The following RBFOX1 variants were observed in gnomAD, a reference collection of about 807,000 sequenced individuals.
RBFOX1 encodes the protein RNA binding fox-1 homolog 1.
Under a neutral mutation model 57.7 loss-of-function variants are expected in RBFOX1, and 8 were observed. The ratio of observed to expected loss-of-function variants is 0.14; its 90% CI spans 0.08 to 0.25. RBFOX1 has a LOEUF of 0.25. Ranked by LOEUF, RBFOX1 falls within the 10% of genes least tolerant of loss-of-function variation. RBFOX1 has a pLI of 1.00. For missense variants in RBFOX1, 611 were observed against 548.5 expected (o/e 1.11, Z -1.14); for synonymous variants, 326 against 222.4 (o/e 1.47, Z -4.15).
chr16:7,519,437 A>G (rs1264518937), intron 5 of RBFOX1, among the ~76,000 whole-genome samples: 1 of 152,216 alleles, frequency 6.6e-6, no homozygotes, highest in Non-Finnish European at 1.5e-5. Flanking sequence ...AGTAAATTTT[A>G]TTGCGTACAA....
At chr16:5,826,769 A>G (rs1178168775) in intron 3 of RBFOX1, among the ~76,000 whole-genome samples, 1 of 152,238 alleles carries the variant, frequency 6.6e-6, no homozygotes, top group East Asian at 1.9e-4. Context: ...GTATTTTAAC[A>G]CAAGTTCCTT....
chr16:5,856,491 T>C (rs1482520003), intron 3 of RBFOX1, among the ~76,000 whole-genome samples: 1 of 134,160 alleles, frequency 7.5e-6, no homozygotes, highest in Admixed American at 7.8e-5. Context: ...CCTACGTAAC[T>C]GAAATTTTGT....
intron 3 of RBFOX1, among the ~76,000 whole-genome samples, chr16:5,652,800 C>A (rs761718408): frequency 6.6e-6 from 1 of 152,228 alleles, no homozygotes; most frequent in Non-Finnish European, 1.5e-5. Context: ...TACAGATCTC[C>A]TTTTCCCAGC....
chr16:7,399,551 G>A (rs1180490796), intron 4 of RBFOX1, among the ~76,000 whole-genome samples: 1 of 152,176 alleles, frequency 6.6e-6, no homozygotes, highest in Non-Finnish European at 1.5e-5. Context: ...TCCATACCCT[G>A]GCTCTCTTTT....
intron 3 of RBFOX1, among the ~76,000 whole-genome samples, chr16:5,720,696 C>T (rs765147787): frequency 7.9e-5 from 12 of 152,044 alleles, no homozygotes; most frequent in Non-Finnish European, 1.6e-4. Context: ...ATTCTCTTGC[C>T]CTTGAATGCC....
intron 3 of RBFOX1, among the ~76,000 whole-genome samples, chr16:6,765,805 A>G (rs534402653): frequency 1.3e-5 from 2 of 152,324 alleles, no homozygotes; most frequent in African/African-American, 4.8e-5. Context: ...CTCAGCCATA[A>G]AAAAGAATGA....
chr16:7,615,061 C>G (rs747042240), intron 10 of RBFOX1: 1 of 152,286 alleles, frequency 6.6e-6, no homozygotes, highest in African/African-American at 2.4e-5. Context: ...AGGCCGGGTG[C>G]GGTGGCTCAC....
chr16:6,523,955 A>T (rs1188932288), intron 2 of RBFOX1, among the ~76,000 whole-genome samples: 2 of 152,218 alleles, frequency 1.3e-5, no homozygotes, highest in African/African-American at 4.8e-5. Context: ...TACACACATC[A>T]TGGAGAATGG....
rs144777238 is a variant in RBFOX1, at chr16:6,855,176, A to G, written c.-15-196881A>G. Among the ~76,000 whole-genome samples, 486 of 152,188 alleles carry G rather than the reference A, an allele frequency of 3.2e-3. 5 individuals are homozygous for G. The highest frequency in any genetic ancestry group is 5.8e-3 in the South Asian group (28 of 4,812). On this transcript the variant is annotated intron_variant, in intron 3 of 15. Transcript: ENST00000550418. The stretch of plus-strand genomic sequence containing the variant: ...TGTAGCTATACGTGTTCTGGTGAGC[A>G]TGATATCCCCAGTACCCAATATAGT...
intron 2 of RBFOX1, among the ~76,000 whole-genome samples, chr16:6,612,833 C>G (rs1349068786): frequency 1.5e-5 from 2 of 131,020 alleles, no homozygotes; most frequent in Non-Finnish European, 3.1e-5. Flanking sequence ...GCCTGGGAGA[C>G]AGTGAGACTC....
chr16:7,566,046 G>A (rs755781238), intron 5 of RBFOX1, among the ~76,000 whole-genome samples: 8 of 152,168 alleles, frequency 5.3e-5, no homozygotes, highest in Non-Finnish European at 8.8e-5. Flanking sequence ...TTTTGATATA[G>A]TGCATCTGAT....
At chr16:6,738,027 A>C (rs1021616900) in intron 3 of RBFOX1, among the ~76,000 whole-genome samples, 5 of 152,014 alleles carry the variant, frequency 3.3e-5, no homozygotes, top group Admixed American at 1.3e-4. Flanking sequence ...TGTGTCTGCA[A>C]CAGAAAACAA....
chr16:7,013,061 C>A (rs1441640764), intron 3 of RBFOX1, among the ~76,000 whole-genome samples: 1 of 152,046 alleles, frequency 6.6e-6, no homozygotes, highest in African/African-American at 2.4e-5. Context: ...GCAGTAATCC[C>A]CTTATGAGGA....
At chr16:6,897,247 C>T (rs1244082255) in intron 3 of RBFOX1, among the ~76,000 whole-genome samples, 2 of 152,174 alleles carry the variant, frequency 1.3e-5, no homozygotes, top group African/African-American at 4.8e-5. Context: ...TATTTGCATT[C>T]CCCGTCTTTA....
rs1203319812 is a variant in RBFOX1, at chr16:7,658,958, C to G, written c.890+5011C>G. On this transcript the variant is annotated intron_variant, in intron 12 of 15. Transcript: ENST00000550418. ...CAGGCTGCTCTCAAACTCCTGACCTCAAGTGATCTGCCCACCTCAGCCTCC... is the reference window on the plus strand; with the variant it reads ...CAGGCTGCTCTCAAACTCCTGACCTGAAGTGATCTGCCCACCTCAGCCTCC... 2.0e-5 allele frequency among the ~76,000 whole-genome samples: 3 copies of G among 152,322 alleles called. No individual in the cohort carries two copies. In the East Asian group the frequency reaches 5.8e-4, roughly 29 times the overall value.
chr16:6,453,106 C>G (rs1008008118), intron 2 of RBFOX1, among the ~76,000 whole-genome samples: 2 of 152,104 alleles, frequency 1.3e-5, no homozygotes, highest in African/African-American at 2.4e-5. Flanking sequence ...AAGCCCCTGA[C>G]TTTCTTTTTT....
intron 3 of RBFOX1, among the ~76,000 whole-genome samples, chr16:7,029,079 T>TATATATATAC (rs1555788217): frequency 5.4e-5 from 2 of 37,008 alleles, no homozygotes; most frequent in African/African-American, 6.6e-4. Context: ...TATATATATA[T>TATATATATAC]ATACACACAC....
chr16:7,011,596 C>T (rs767690728), intron 3 of RBFOX1, among the ~76,000 whole-genome samples: 9 of 152,170 alleles, frequency 5.9e-5, no homozygotes, highest in South Asian at 2.1e-4. Flanking sequence ...TCACTGCAAG[C>T]TCCGCATCCC....
intron 1 of RBFOX1, among the ~76,000 whole-genome samples, chr16:5,274,734 C>G (rs1026017774): frequency 1.3e-4 from 20 of 152,226 alleles, no homozygotes; most frequent in African/African-American, 4.8e-4. Context: ...AGCCACCTCT[C>G]AGTCCCTTGC....
Sources: gnomAD v4.1 joint callset for allele counts (sites outside exome capture counted in the v4.1 genomes callset) on GRCh38, gnomAD v4.1.1 for gene constraint, MANE v1.5 for transcripts, NCBI Gene and HGNC (gene_info 2026-07-23, HGNC 2026-07-21) for gene names.